The following RUFY4 variants were observed in gnomAD, a reference collection of about 807,000 sequenced individuals.
The protein encoded by RUFY4 is RUN and FYVE domain-containing protein 4.
A neutral mutation model predicts 69.0 loss-of-function variants in RUFY4; 73 were observed. The observed-to-expected ratio is 1.06, with a 90% CI of 0.88 to 1.29. RUFY4 has a LOEUF of 1.29. Among genes scored for constraint, RUFY4 ranks in the 50% most tolerant of loss-of-function variants. The probability of loss-of-function intolerance (pLI) is 0.00; values close to 1 mark genes in which losing one functional copy is unlikely to be tolerated. For synonymous variants in RUFY4, 287 were observed against 271.8 expected, an observed-to-expected ratio of 1.06 and a Z score of -0.55; for missense variants, 770 against 705.6, an observed-to-expected ratio of 1.09 and a Z score of -1.03.
chr2:218,075,808 G>T lies in RUFY4; in HGVS notation c.1248+68G>T, dbSNP rs1039173474. On this transcript the variant is annotated intron_variant, in intron 7 of 10. Coordinates refer to ENST00000344321, the Ensembl canonical transcript of RUFY4. ...TGACCTGGCCCACAGATGAGGGTCT[G>T]CAATGGTAGCCTGGGACCATTCCCT... 4.5e-6 allele frequency: 6 copies of T among 1,343,418 alleles called. No individual in the cohort carries two copies. In the African/African-American group the frequency reaches 9.0e-5, roughly 20 times the overall value. The allele number at this position is 1,343,418 out of a possible 1,614,324, so 83.2% of individuals were successfully genotyped here.
chr2:218,040,270 GTTC>G (rs1277626820), intron 2 of RUFY4, among the ~76,000 whole-genome samples: 1 of 152,206 alleles, frequency 6.6e-6, no homozygotes, highest in Non-Finnish European at 1.5e-5. Flanking sequence ...TGACTTAACT[GTTC>G]TTCTCCAGAT....
At chr2:218,058,730 G>C (rs1358355536) in intron 3 of RUFY4, 1 of 152,252 alleles carries the variant, frequency 6.6e-6, no homozygotes, top group African/African-American at 2.4e-5. Context: ...TGTGCTTGTG[G>C]GGGAGAGAGA....
At chr2:218,080,038 G>A (rs1689724266) in intron 8 of RUFY4, among the ~76,000 whole-genome samples, 1 of 152,228 alleles carries the variant, frequency 6.6e-6, no homozygotes, top group Non-Finnish European at 1.5e-5. Flanking sequence ...TGAAAGACTG[G>A]ACCATGCAAA....
Position 218,038,805 on chromosome 2 carries a change from T to C in RUFY4, c.-1158+3411T>C, listed in dbSNP as rs1959018000. ...CCTTTTCCTCATGGCCCCATGATGG[T>C]TGCTGCAGCTCTAGCAGTCACAAGC... On this transcript the variant is annotated intron_variant and NMD_transcript_variant, in intron 2 of 13. Coordinates refer to the RUFY4 transcript ENST00000457754. Among the ~76,000 whole-genome samples, 9 of 152,286 alleles carry C rather than the reference T, an allele frequency of 5.9e-5. No homozygotes were observed. In the South Asian group the frequency reaches 1.9e-3, roughly 32 times the overall value.
intron 2 of RUFY4, among the ~76,000 whole-genome samples, chr2:218,037,561 C>T (rs1958998409): frequency 6.6e-6 from 1 of 152,172 alleles, no homozygotes; most frequent in Non-Finnish European, 1.5e-5. Context: ...TCTTTTAAAG[C>T]TTGCTTTGTT....
intron 2 of RUFY4, among the ~76,000 whole-genome samples, chr2:218,044,129 CA>C (rs1688766337): frequency 6.6e-6 from 1 of 152,184 alleles, no homozygotes; most frequent in African/African-American, 2.4e-5. Context: ...GCCTCCAAAG[CA>C]CAGAGATGCC....
At chr2:218,088,947 C>T (rs1689959999) in intron 9 of RUFY4, among the ~76,000 whole-genome samples, 1 of 151,102 alleles carries the variant, frequency 6.6e-6, no homozygotes, top group South Asian at 2.1e-4. Flanking sequence ...CTCTCTCTCC[C>T]TCTTTCCCCT....
intron 2 of RUFY4, among the ~76,000 whole-genome samples, chr2:218,042,115 G>A (rs1319615142): frequency 1.3e-5 from 2 of 152,196 alleles, no homozygotes; most frequent in Admixed American, 6.5e-5. Flanking sequence ...ATGAGTGAGT[G>A]GCTGGTGGGA....
intron 2 of RUFY4, among the ~76,000 whole-genome samples, chr2:218,037,950 T>C (rs1959003558): frequency 6.6e-6 from 1 of 152,246 alleles, no homozygotes; most frequent in South Asian, 2.1e-4. Flanking sequence ...AACAGTTTCC[T>C]AAACTATGGC....
At chr2:218,038,189 A>G (rs1321931025) in intron 2 of RUFY4, among the ~76,000 whole-genome samples, 5 of 152,326 alleles carry the variant, frequency 3.3e-5, no homozygotes, top group East Asian at 1.9e-4. Context: ...AGTCCTTTCC[A>G]TGAATCTCCT....
chr2:218,083,220 T>C, exon 9 of RUFY4: 1 of 1,612,544 alleles, frequency 6.2e-7, no homozygotes, highest in Non-Finnish European at 8.5e-7. Flanking sequence ...CGGGACTTGG[T>C]CCAGGCCATG....
intron 8 of RUFY4, among the ~76,000 whole-genome samples, chr2:218,081,423 C>G (rs901705603): frequency 6.6e-6 from 1 of 152,210 alleles, no homozygotes; most frequent in Non-Finnish European, 1.5e-5. Context: ...AAGAACCCTC[C>G]CTGGTCTCTG....
At chr2:218,075,347 G>A (rs1209051659) in exon 7 of RUFY4, 1 of 1,612,172 alleles carries the variant, frequency 6.2e-7, no homozygotes, top group South Asian at 1.1e-5. Context: ...CATGGATTGA[G>A]ATCTTCCTGG....
At position 218,075,338 on chromosome 2, in the gene RUFY4, AT is replaced by A. The variant is rs779021154; in HGVS notation, c.847del (p.Trp283GlyfsTer27). On this transcript the variant is annotated frameshift_variant, in exon 7 of 11. Coordinates refer to ENST00000344321, the Ensembl canonical transcript of RUFY4. LOFTEE classifies it high-confidence loss of function. ...AGCTAGACCAGGAGGAAAGAGCCCC[AT>A]GGATTGAGATCTTCCTGGGGAACTC... 4 of 1,611,694 alleles carry A rather than the reference AT, an allele frequency of 2.5e-6. No individual in the cohort carries two copies. The East Asian group carries it at 8.9e-5, about 36-fold the overall frequency.
exon 1 of RUFY4, chr2:218,035,169 AGCCAGGCTCTCCT>A (rs1357015733): frequency 6.6e-6 from 1 of 152,404 alleles, no homozygotes; most frequent in Non-Finnish European, 1.5e-5. Flanking sequence ...TGCCCCAGCC[AGCCAGGCTCTCCT>A]GGGTGAGTAG....
intron 2 of RUFY4, among the ~76,000 whole-genome samples, chr2:218,053,522 TA>T (rs1688990199): frequency 6.6e-6 from 1 of 151,998 alleles, no homozygotes; most frequent in African/African-American, 2.4e-5. Flanking sequence ...ATTTTTTTTT[TA>T]TTTTGAAACG....
At chr2:218,060,729 G>T in intron 3 of RUFY4, 3 of 1,419,404 alleles carry the variant, frequency 2.1e-6, no homozygotes, top group Non-Finnish European at 3.0e-6. Flanking sequence ...GGGTGAATCT[G>T]TAGCAGAACA....
Position 218,083,096 on chromosome 2 carries a change from C to T in RUFY4, c.1356-14C>T, listed in dbSNP as rs745700224. 9.4e-5 allele frequency: 152 copies of T among 1,612,082 alleles called. 2 individuals are homozygous for T. The East Asian group carries it at 3.3e-3, about 35-fold the overall frequency. On this transcript the variant is annotated splice_polypyrimidine_tract_variant and intron_variant, in intron 8 of 10. Coordinates refer to ENST00000344321, the Ensembl canonical transcript of RUFY4. ...CTTTGCCCCCTGAGAACCTAGTCTT[C>T]CTTCTGTACCCAGGTGTCAGGAAGA...
chr2:218,062,974 G>A (rs147596201), intron 3 of RUFY4, among the ~76,000 whole-genome samples: 2 of 152,302 alleles, frequency 1.3e-5, no homozygotes, highest in African/African-American at 2.4e-5. Context: ...TGTCCTGCAT[G>A]TGTGTGCCTC....
Sources: allele counts gnomAD v4.1 joint callset (sites outside exome capture counted in the v4.1 genomes callset), GRCh38; gene constraint gnomAD v4.1.1; transcripts MANE v1.5; gene names NCBI Gene and HGNC (gene_info 2026-07-23, HGNC 2026-07-21).